Variants in SVIL observed in about 807,000 individuals in gnomAD.
SVIL encodes archvillin.
In SVIL, 101 loss-of-function variants were observed where a neutral mutation model predicts 240.4. The observed-to-expected ratio is 0.42, with a 90% CI of 0.36 to 0.50. SVIL has a LOEUF of 0.50. Among genes scored for constraint, SVIL ranks in the 20% least tolerant of loss-of-function variants. The pLI, the probability that SVIL is intolerant of heterozygous loss-of-function variation, is 0.01. For synonymous variants in SVIL, 999 were observed against 1,100.0 expected, an observed-to-expected ratio of 0.91 and a Z score of 1.82; for missense variants, 2,512 against 2,818.7, an observed-to-expected ratio of 0.89 and a Z score of 2.46.
intron 17 of SVIL, chr10:29,507,941 C>G (rs1949503733): frequency 4.3e-6 from 1 of 233,762 alleles, no homozygotes; most frequent in Admixed American, 6.0e-5. Context: ...TTACTCATTG[C>G]AATTTCAGTT....
chr10:29,678,344 G>A (rs993209397), intron 2 of SVIL, among the ~76,000 whole-genome samples: 2 of 151,868 alleles, frequency 1.3e-5, no homozygotes, highest in African/African-American at 4.8e-5. Context: ...CTCATAAGGA[G>A]CATGCAACCT....
chr10:29,729,007 A>T (rs917701417), intron 1 of SVIL, among the ~76,000 whole-genome samples: 6 of 152,164 alleles, frequency 3.9e-5, no homozygotes, highest in Admixed American at 2.0e-4. Flanking sequence ...TAGAAGGAGG[A>T]GAAAGCTGCC....
rs1222156744 is a variant in SVIL, at chr10:29,496,555, A to G, written c.3665-1374T>C. Reference sequence around the variant, plus strand: ...CCGGTGCCGGGCAAACCCCGCTGCCATGGCTCCCCCTGCTGGCGGTTCAGG... The same window carrying G: ...CCGGTGCCGGGCAAACCCCGCTGCCGTGGCTCCCCCTGCTGGCGGTTCAGG... On this transcript the variant is annotated intron_variant, in intron 18 of 37. Transcript: ENST00000355867. The G allele has an allele frequency of 1.3e-4, 48 of 365,550 alleles. 1 individual carries two copies. The highest frequency in any genetic ancestry group is 2.2e-4 in the Non-Finnish European group (41 of 184,566). The allele number at this position is 365,550 out of a possible 1,614,324, so 22.6% of individuals were successfully genotyped here. A position where few individuals can be genotyped will look rare whatever the true frequency, so the allele number is the denominator to read the frequency against.
rs1301971972 is a variant in SVIL at position 29,643,887 on chromosome 10, T to C, written c.-201+14082A>G. 32 of 457,288 alleles carry C rather than the reference T, an allele frequency of 7.0e-5. No homozygotes were observed. In the Admixed American group the frequency reaches 7.5e-4, roughly 11 times the overall value. 28.3% of individuals were successfully genotyped at this position (457,288 alleles called of 1,614,324 possible). A position where few individuals can be genotyped will look rare whatever the true frequency, so the allele number is the denominator to read the frequency against. ...AACACAAAGAGAACTGCTGGCCTCG[T>C]GGTCAAAATGAGATGTGAACTTGCC... On this transcript the variant is annotated intron_variant, in intron 3 of 35. Coordinates refer to the SVIL transcript ENST00000375400.
intron 1 of SVIL, among the ~76,000 whole-genome samples, chr10:29,600,886 C>T (rs1228412855): frequency 6.6e-6 from 1 of 152,150 alleles, no homozygotes; most frequent in East Asian, 1.9e-4. Flanking sequence ...ATAGTCAATA[C>T]ATATGATTAT....
intron 2 of SVIL, among the ~76,000 whole-genome samples, chr10:29,679,039 C>G (rs992750563): frequency 1.3e-5 from 2 of 152,282 alleles, no homozygotes; most frequent in South Asian, 4.1e-4. Context: ...AACCCCATCT[C>G]TACTAAAAAT....
At chr10:29,573,427 A>T (rs935232388) in intron 1 of SVIL, among the ~76,000 whole-genome samples, 5 of 152,172 alleles carry the variant, frequency 3.3e-5, no homozygotes, top group African/African-American at 1.2e-4. Flanking sequence ...TTATTTAGGT[A>T]TCCTATCCAT....
intron 7 of SVIL, among the ~76,000 whole-genome samples, chr10:29,535,602 G>A (rs1266641713): frequency 6.6e-6 from 1 of 152,214 alleles, no homozygotes; most frequent in Non-Finnish European, 1.5e-5. Context: ...AGGGCTGGGA[G>A]CAGTGGGAAG....
At chr10:29,611,639 A>T (rs1177861200) in intron 1 of SVIL, among the ~76,000 whole-genome samples, 1 of 152,216 alleles carries the variant, frequency 6.6e-6, no homozygotes, top group Admixed American at 6.5e-5. Context: ...AAGGGGTAGC[A>T]AAAGGTAAGG....
At chr10:29,613,970 G>A (rs780511067) in intron 1 of SVIL, among the ~76,000 whole-genome samples, 1 of 152,250 alleles carries the variant, frequency 6.6e-6, no homozygotes, top group East Asian at 1.9e-4. Flanking sequence ...TGTGGTCAAG[G>A]TTTCCTCGGT....
intron 17 of SVIL, among the ~76,000 whole-genome samples, chr10:29,509,809 C>A (rs569446230): frequency 6.6e-6 from 1 of 152,246 alleles, no homozygotes; most frequent in South Asian, 2.1e-4. Flanking sequence ...GAGATTGTGC[C>A]ATTGCACTCC....
At chr10:29,567,229 G>C (rs1354029228) in intron 2 of SVIL, among the ~76,000 whole-genome samples, 1 of 152,094 alleles carries the variant, frequency 6.6e-6, no homozygotes, top group Non-Finnish European at 1.5e-5. Flanking sequence ...ATAGCAGCAC[G>C]GGGGAATTTT....
chr10:29,496,181 A>G (rs2132421388), intron 18 of SVIL, among the ~76,000 whole-genome samples: 1 of 152,334 alleles, frequency 6.6e-6, no homozygotes, highest in South Asian at 2.1e-4. Flanking sequence ...TTTAATAAAA[A>G]AAACCATTAA....
At chr10:29,650,599 A>G (rs1210302685) in intron 3 of SVIL, among the ~76,000 whole-genome samples, 6 of 152,152 alleles carry the variant, frequency 3.9e-5, no homozygotes, top group African/African-American at 4.8e-5. Flanking sequence ...TGCATATATA[A>G]TAAATTATAT....
intron 1 of SVIL, among the ~76,000 whole-genome samples, chr10:29,713,299 C>T (rs776479747): frequency 2.0e-5 from 3 of 149,150 alleles, no homozygotes; most frequent in African/African-American, 5.0e-5. Context: ...TGCATGTGAA[C>T]GTGGTCTATC....
chr10:29,667,346 A>G lies in SVIL; in HGVS notation c.-300-9278T>C, dbSNP rs144965149. Among the ~76,000 whole-genome samples, 93 of 152,332 alleles carry G rather than the reference A, an allele frequency of 6.1e-4. No homozygotes were observed. The South Asian group carries it at 0.011, about 18-fold the overall frequency. On this transcript the variant is annotated intron_variant, in intron 2 of 35. Transcript: ENST00000375400. The stretch of plus-strand genomic sequence containing the variant: ...ACACACAACAATGTGGATCAGCTTA[A>G]GAGAAGCCAGACTCAAAAGACATCC...
At chr10:29,632,726 T>C (rs1958148278) in intron 1 of SVIL, among the ~76,000 whole-genome samples, 1 of 152,158 alleles carries the variant, frequency 6.6e-6, no homozygotes, top group South Asian at 2.1e-4. Context: ...GTGGCAAAAT[T>C]AAATGCACCA....
chr10:29,681,567 T>G (rs988687304), intron 2 of SVIL, among the ~76,000 whole-genome samples: 1 of 152,118 alleles, frequency 6.6e-6, no homozygotes, highest in African/African-American at 2.4e-5. Context: ...AGAAGGAAAT[T>G]TTAAGTCCTT....
Position 29,619,873 on chromosome 10 carries a change from AT to A in SVIL, c.-201+14546del, listed in dbSNP as rs201855413. Among the ~76,000 whole-genome samples, 273 of 152,092 alleles carry A rather than the reference AT, an allele frequency of 1.8e-3. 2 individuals are homozygous for A. Among genetic ancestry groups the A allele is most frequent in the South Asian group, 3.9e-3 (19 of 4,820 alleles). On this transcript the variant is annotated intron_variant, in intron 1 of 37. Coordinates refer to ENST00000355867, the MANE Select transcript of SVIL (RefSeq NM_021738.3). ...TTTTAAAAAGATTATTGCAAACTAC[AT>A]TTTTTTTAAATGTGGATTTTTTTGG... is the stretch of plus-strand genomic sequence containing the variant.
Sources: allele counts gnomAD v4.1 joint callset (sites outside exome capture counted in the v4.1 genomes callset), GRCh38; gene constraint gnomAD v4.1.1; transcripts MANE v1.5; gene names NCBI Gene and HGNC (gene_info 2026-07-23, HGNC 2026-07-21).